GMDS: variants seen among roughly 807,000 people sequenced by gnomAD.
GMDS encodes GDP-mannose 4,6-dehydratase.
A neutral mutation model predicts 49.9 loss-of-function variants in GMDS; 20 were observed. The ratio of observed to expected loss-of-function variants is 0.40; its 90% CI spans 0.28 to 0.58. GMDS has a LOEUF of 0.58. Among genes scored for constraint, GMDS ranks in the 20% least tolerant of loss-of-function variants. GMDS has a pLI of 0.42. For synonymous variants in GMDS, 177 were observed against 178.6 expected (o/e 0.99, Z 0.07); for missense variants, 362 against 481.4 (o/e 0.75, Z 2.32).
intron 4 of GMDS, among the ~76,000 whole-genome samples, chr6:2,098,605 C>G (rs561422228): frequency 6.6e-6 from 1 of 152,142 alleles, no homozygotes; most frequent in Non-Finnish European, 1.5e-5. Flanking sequence ...CTGCACTGAA[C>G]TGAAAATTTC....
chr6:2,116,333 A>G (rs1468883973), intron 3 of GMDS, among the ~76,000 whole-genome samples: 1 of 152,188 alleles, frequency 6.6e-6, no homozygotes, highest in African/African-American at 2.4e-5. Flanking sequence ...CTTTATAAAC[A>G]TCAACCTTAG....
rs1763130255 is a variant in GMDS, at chr6:1,635,877, TG to T, written c.988-11338del. Among the ~76,000 whole-genome samples, 2 of 152,206 alleles carry T rather than the reference TG, an allele frequency of 1.3e-5. No individual in the cohort carries two copies. The highest frequency in any genetic ancestry group is 2.4e-5 in the African/African-American group (1 of 41,450). On this transcript the variant is annotated intron_variant, in intron 9 of 10. Coordinates refer to ENST00000380815, the MANE Select transcript of GMDS (RefSeq NM_001500.4). The surrounding 1 kb of genome is among the most constrained non-coding windows in gnomAD (Gnocchi z 4.7). ...GCCTCGGCACCTCCAGCACTGCGTC[TG>T]GGAGCTGCTCTTCTCTGCTCTCAGC...
chr6:2,182,096 A>G (rs902260501), intron 1 of GMDS, among the ~76,000 whole-genome samples: 1 of 152,272 alleles, frequency 6.6e-6, no homozygotes, highest in African/African-American at 2.4e-5. Context: ...TGATGTGGAT[A>G]AAGTTCTAGT....
chr6:1,872,642 A>C (rs1758831450), intron 7 of GMDS, among the ~76,000 whole-genome samples: 1 of 152,264 alleles, frequency 6.6e-6, no homozygotes, highest in Non-Finnish European at 1.5e-5. Context: ...GTGACAAATT[A>C]TTTAACTCAG....
At chr6:2,181,098 C>A (rs1778499669) in intron 1 of GMDS, among the ~76,000 whole-genome samples, 1 of 150,570 alleles carries the variant, frequency 6.6e-6, no homozygotes, top group Non-Finnish European at 1.5e-5. Flanking sequence ...TGGCATGAAC[C>A]CGGGTGGTGG....
intron 1 of GMDS, among the ~76,000 whole-genome samples, chr6:2,184,327 T>C (rs1778684196): frequency 6.6e-6 from 1 of 152,192 alleles, no homozygotes; most frequent in Non-Finnish European, 1.5e-5. Flanking sequence ...CAACTGGCAC[T>C]AAGAATAAAA....
chr6:2,217,400 A>G (rs1256481883), intron 1 of GMDS, among the ~76,000 whole-genome samples: 2 of 152,018 alleles, frequency 1.3e-5, no homozygotes, highest in Non-Finnish European at 2.9e-5. Flanking sequence ...ATATTTATAT[A>G]GTAAAATATA....
chr6:1,772,918 A>G lies in GMDS; in HGVS notation c.772-30332T>C, dbSNP rs573019943. On this transcript the variant is annotated intron_variant, in intron 7 of 10. Coordinates refer to ENST00000380815, the MANE Select transcript of GMDS (RefSeq NM_001500.4). ...TAAGCTGAAATGGATGTTTCAGAGC[A>G]AAATAGCAGTTAACTGTCATTAGCT... 7.2e-5 allele frequency among the ~76,000 whole-genome samples: 11 copies of G among 152,364 alleles called. No individual in the cohort carries two copies. The South Asian group carries it at 2.3e-3, about 32-fold the overall frequency.
chr6:1,922,200 A>G (rs1372821484), intron 7 of GMDS, among the ~76,000 whole-genome samples: 1 of 152,208 alleles, frequency 6.6e-6, no homozygotes, highest in African/African-American at 2.4e-5. Context: ...TGCTAGGAAG[A>G]CAGGAACGAT....
In GMDS at chr6:1,635,252, T is replaced by G. The variant is rs955351951; in HGVS notation, c.988-10712A>C. ...GTCTGCTTAGCTCTGGGAAAGGGGC[T>G]CCGTTTCACATGTCCTGGCTATGCT... On this transcript the variant is annotated intron_variant, in intron 9 of 10. Transcript: ENST00000380815. The surrounding 1 kb of genome is among the most constrained non-coding windows in gnomAD (Gnocchi z 4.7). Among the ~76,000 whole-genome samples, 3 of 152,172 alleles carry G rather than the reference T, an allele frequency of 2.0e-5. No homozygotes were observed. The highest frequency in any genetic ancestry group is 7.2e-5 in the African/African-American group (3 of 41,452).
chr6:2,170,645 A>T (rs2127554117), intron 1 of GMDS, among the ~76,000 whole-genome samples: 1 of 151,978 alleles, frequency 6.6e-6, no homozygotes, highest in Admixed American at 6.5e-5. Flanking sequence ...ATAAAAAAAA[A>T]AAAGGCATAA....
At chr6:2,227,881 C>G (rs564775102) in intron 1 of GMDS, among the ~76,000 whole-genome samples, 1 of 152,240 alleles carries the variant, frequency 6.6e-6, no homozygotes, top group African/African-American at 2.4e-5. Flanking sequence ...CTTCCAACTT[C>G]AGTTCTGTGG....
rs548490930 is a variant in GMDS at position 2,023,517 on chromosome 6, G to A, written c.346-62551C>T. Among the ~76,000 whole-genome samples the A allele has an allele frequency of 5.4e-4, 82 of 152,290 alleles. 1 individual carries two copies. Among genetic ancestry groups the A allele is most frequent in the Non-Finnish European group, 1.3e-4 (9 of 68,030 alleles). On this transcript the variant is annotated intron_variant, in intron 4 of 10. Transcript: ENST00000380815. ...GCAGGCCAAGTGGACAGCATTCCAC[G>A]GAGGGCAGAGATGTGACACACAGGA...
At chr6:1,876,734 TTC>T (rs1199975620) in intron 7 of GMDS, among the ~76,000 whole-genome samples, 1 of 152,196 alleles carries the variant, frequency 6.6e-6, no homozygotes, top group Non-Finnish European at 1.5e-5. Context: ...TGTGGGACAT[TTC>T]TGTTTGTTAG....
intron 9 of GMDS, among the ~76,000 whole-genome samples, chr6:1,699,689 T>C (rs1765472476): frequency 6.6e-6 from 1 of 151,122 alleles, no homozygotes; most frequent in African/African-American, 2.5e-5. Flanking sequence ...GTGGTTACCA[T>C]TAGGGCTCCC....
At chr6:1,904,823 C>T (rs1198345629) in intron 7 of GMDS, among the ~76,000 whole-genome samples, 1 of 152,200 alleles carries the variant, frequency 6.6e-6, no homozygotes, top group East Asian at 1.9e-4. Flanking sequence ...CCTGTTCCCT[C>T]CTTGGGGGTG....
At chr6:1,681,425 T>A (rs926065054) in intron 9 of GMDS, among the ~76,000 whole-genome samples, 3 of 152,176 alleles carry the variant, frequency 2.0e-5, no homozygotes, top group African/African-American at 7.2e-5. Context: ...AAGAAAGTGG[T>A]CCTACAGAGG....
chr6:1,775,748 G>A (rs1319590194), intron 7 of GMDS, among the ~76,000 whole-genome samples: 1 of 152,116 alleles, frequency 6.6e-6, no homozygotes, highest in East Asian at 1.9e-4. Context: ...AAACTTCTGT[G>A]GCTTGGAGTT....
intron 4 of GMDS, among the ~76,000 whole-genome samples, chr6:2,079,771 C>T (rs1206833124): frequency 6.6e-6 from 1 of 151,988 alleles, no homozygotes; most frequent in Non-Finnish European, 1.5e-5. Flanking sequence ...TATAATGTGC[C>T]AAGGAGAAGA....
Sources: gnomAD v4.1 joint callset for allele counts (sites outside exome capture counted in the v4.1 genomes callset) on GRCh38, gnomAD v4.1.1 for gene constraint, Gnocchi (gnomAD v3.1) non-coding constraint, MANE v1.5 for transcripts, NCBI Gene and HGNC (gene_info 2026-07-23, HGNC 2026-07-21) for gene names.